USP8: variants seen among roughly 807,000 people sequenced by gnomAD.
The protein encoded by USP8 is ubiquitin carboxyl-terminal hydrolase 8.
A neutral mutation model predicts 130.0 loss-of-function variants in USP8; 27 were observed. The observed-to-expected ratio is 0.21, with a 90% CI of 0.15 to 0.29. The LOEUF is 0.29. Ranked by LOEUF, USP8 falls within the 10% of genes least tolerant of loss-of-function variation. USP8 has a pLI of 1.00. For synonymous variants in USP8, 392 were observed against 444.1 expected, an observed-to-expected ratio of 0.88 and a Z score of 1.48; for missense variants, 1,029 against 1,312.2, an observed-to-expected ratio of 0.78 and a Z score of 3.33.
chr15:50,460,832 A>G (rs573624537), intron 5 of USP8, among the ~76,000 whole-genome samples: 2 of 152,070 alleles, frequency 1.3e-5, no homozygotes, highest in South Asian at 4.2e-4. Context: ...TTCAGTTATC[A>G]TTCTGTGTGG....
chr15:50,490,809 G>A (rs946447878), intron 14 of USP8, among the ~76,000 whole-genome samples: 1 of 152,088 alleles, frequency 6.6e-6, no homozygotes, highest in Admixed American at 6.6e-5. Context: ...GTACCCTCAC[G>A]TTTTTCATAG....
At chr15:50,470,486 A>T (rs564663817) in intron 7 of USP8, among the ~76,000 whole-genome samples, 2 of 152,210 alleles carry the variant, frequency 1.3e-5, no homozygotes, top group South Asian at 4.1e-4. Context: ...GCATGCCTGG[A>T]TGAACCAGGA....
chr15:50,441,215 G>A, intron 2 of USP8, 134 bp from the exon 3 acceptor site: 1 of 782,172 alleles, frequency 1.3e-6, no homozygotes, highest in Non-Finnish European at 1.9e-6. Context: ...TTCATAACAG[G>A]CCGTGAACCA....
intron 11 of USP8, among the ~76,000 whole-genome samples, chr15:50,482,748 C>T (rs1344511934): frequency 1.3e-5 from 2 of 151,976 alleles, no homozygotes; most frequent in Non-Finnish European, 2.9e-5. Context: ...GTTTATAATA[C>T]CAAGAACAGT....
At chr15:50,474,783 T>C (rs911277370) in intron 8 of USP8, among the ~76,000 whole-genome samples, 27 of 152,208 alleles carry the variant, frequency 1.8e-4, no homozygotes, top group African/African-American at 6.5e-4. Flanking sequence ...AGTACCTTGA[T>C]GTCAAATCAA....
At chr15:50,435,354 G>A (rs1333235359) in intron 1 of USP8, among the ~76,000 whole-genome samples, 1 of 152,122 alleles carries the variant, frequency 6.6e-6, no homozygotes, top group Non-Finnish European at 1.5e-5. Flanking sequence ...CCAATACAAT[G>A]TAACAACTGT....
At chr15:50,461,198 G>T (rs2050986960) in intron 5 of USP8, among the ~76,000 whole-genome samples, 1 of 151,994 alleles carries the variant, frequency 6.6e-6, no homozygotes, top group Non-Finnish European at 1.5e-5. Context: ...CTCCATGTTG[G>T]TCAGGCTGGT....
chr15:50,426,663 T>C (rs1174095284), intron 1 of USP8, among the ~76,000 whole-genome samples: 1 of 152,172 alleles, frequency 6.6e-6, no homozygotes, highest in Non-Finnish European at 1.5e-5. Context: ...TTGAACAGTA[T>C]GGCGGCTAGG....
rs1413165410 is a variant in USP8 at position 50,508,976 on chromosome 15, T to TA, written c.*9889dup. On this transcript the variant is annotated 3_prime_UTR_variant, in exon 20 of 20. Coordinates refer to ENST00000307179, the MANE Select transcript of USP8 (RefSeq NM_005154.5). Reference sequence around the variant, plus strand: ...GGTGAAACCCCATCTCTATTAAAAATACAAAAAATTACCTGGGCACGGTGG... The same window carrying TA: ...GGTGAAACCCCATCTCTATTAAAAATAACAAAAAATTACCTGGGCACGGTGG... 6.6e-6 allele frequency: 1 copy of TA among 150,908 alleles called. No individual in the cohort carries two copies. The highest frequency in any genetic ancestry group is 3.2e-3 in the Middle Eastern group (1 of 316). 9.3% of individuals were successfully genotyped at this position (150,908 alleles called of 1,614,324 possible). A position where few individuals can be genotyped will look rare whatever the true frequency, so the allele number is the denominator to read the frequency against.
chr15:50,471,233 A>G (rs77356675), intron 7 of USP8, among the ~76,000 whole-genome samples: 1,566 of 152,336 alleles, frequency 0.01, 36 homozygotes, highest in African/African-American at 0.036. Context: ...TATATGGTGG[A>G]CTATTAATTA....
At chr15:50,475,822 C>T (rs2051549579) in intron 8 of USP8, among the ~76,000 whole-genome samples, 1 of 151,968 alleles carries the variant, frequency 6.6e-6, no homozygotes, top group African/African-American at 2.4e-5. Context: ...AGGCTGGTCT[C>T]GAACTCCTGA....
At chr15:50,460,497 TG>T (rs1216905530) in intron 5 of USP8, among the ~76,000 whole-genome samples, 1 of 151,698 alleles carries the variant, frequency 6.6e-6, no homozygotes, top group African/African-American at 2.4e-5. Flanking sequence ...TTAGTAGAGA[TG>T]GGGTTTCACC....
rs1225870729 is a variant in USP8 at position 50,424,790 on chromosome 15, TTA to T, written c.-66+279_-66+280del. On this transcript the variant is annotated intron_variant, in intron 1 of 19. Coordinates refer to ENST00000307179, the MANE Select transcript of USP8 (RefSeq NM_005154.5). ...ACCAATCTTCCGTTCTCTTGGACAC[TTA>T]TACCCGACTTTGACCTCTTTCCTCT... 11 of 310,790 alleles carry T rather than the reference TTA, an allele frequency of 3.5e-5. No homozygotes were observed. The East Asian group carries it at 5.0e-4, about 14-fold the overall frequency. The allele number at this position is 310,790 out of a possible 1,614,324, so 19.3% of individuals were successfully genotyped here. A position where few individuals can be genotyped will look rare whatever the true frequency, so the allele number is the denominator to read the frequency against.
chr15:50,480,857 A>G (rs2051741194), intron 10 of USP8, among the ~76,000 whole-genome samples: 3 of 152,084 alleles, frequency 2.0e-5, no homozygotes, highest in Admixed American at 2.0e-4. Flanking sequence ...AACTAGTTGA[A>G]AGCTATGCTG....
chr15:50,449,368 AAC>A (rs1448752396), intron 3 of USP8, 30 bp from the exon 4 acceptor site: 1 of 1,452,130 alleles, frequency 6.9e-7, no homozygotes, highest in Non-Finnish European at 9.4e-7. Flanking sequence ...GCCGAGAACT[AAC>A]AATATGGGAT....
chr15:50,460,314 T>TC (rs2050947452), intron 5 of USP8, among the ~76,000 whole-genome samples: 1 of 143,776 alleles, frequency 7.0e-6, no homozygotes, highest in Admixed American at 7.0e-5. Context: ...TTTTTTTTTT[T>TC]TTTTTTTTTT....
chr15:50,495,743 A>G, intron 16 of USP8, 105 bp from the exon 17 acceptor site: 1 of 876,154 alleles, frequency 1.1e-6, no homozygotes, highest in Admixed American at 2.7e-5. Context: ...TATGAGAACT[A>G]CAGGTGTTTC....
At chr15:50,478,900 C>T (rs1276423583) in intron 10 of USP8, among the ~76,000 whole-genome samples, 1 of 151,792 alleles carries the variant, frequency 6.6e-6, no homozygotes, top group African/African-American at 2.4e-5. Flanking sequence ...ACTGAAAATA[C>T]CAAAATTAGC....
chr15:50,452,608 A>T (rs2050660694), intron 4 of USP8, among the ~76,000 whole-genome samples: 3 of 152,196 alleles, frequency 2.0e-5, no homozygotes, highest in African/African-American at 7.2e-5. Flanking sequence ...GCACTACTAG[A>T]GAAGAAATAT....
Sources: allele counts gnomAD v4.1 joint callset (sites outside exome capture counted in the v4.1 genomes callset), GRCh38; gene constraint gnomAD v4.1.1; transcripts MANE v1.5; gene names NCBI Gene and HGNC (gene_info 2026-07-23, HGNC 2026-07-21).